Variants in ZFP3 observed in about 807,000 individuals in gnomAD.
ZFP3 encodes zinc finger protein 3 homolog.
In ZFP3, 18 loss-of-function variants were observed where a neutral mutation model predicts 36.7. The observed-to-expected ratio is 0.49, with a 90% CI of 0.34 to 0.73. ZFP3 has a LOEUF of 0.73. Ranked by LOEUF, ZFP3 falls within the 30% of genes least tolerant of loss-of-function variation. The probability of loss-of-function intolerance (pLI) is 0.01; values close to 1 mark genes in which losing one functional copy is unlikely to be tolerated. For missense variants in ZFP3, 495 were observed against 599.0 expected, an observed-to-expected ratio of 0.83 and a Z score of 1.81; for synonymous variants, 218 against 199.0, an observed-to-expected ratio of 1.10 and a Z score of -0.81.
Position 5,080,935 on chromosome 17 carries a change from T to C in ZFP3, c.-9+2360T>C, listed in dbSNP as rs1465622335. Among the ~76,000 whole-genome samples, 4 of 152,214 alleles carry C rather than the reference T, an allele frequency of 2.6e-5. No individual in the cohort carries two copies. The East Asian group carries it at 7.7e-4, about 29-fold the overall frequency. On this transcript the variant is annotated intron_variant, in intron 1 of 1. Transcript: ENST00000318833. ...CCAGCTTGCTTGTTTCATGAGGTGGTGGTAAGGGTTAATGTCTGTAAGTTG... is the reference window on the plus strand; with the variant it reads ...CCAGCTTGCTTGTTTCATGAGGTGGCGGTAAGGGTTAATGTCTGTAAGTTG...
chr17:5,088,785 C>T (rs994803651), intron 1 of ZFP3, among the ~76,000 whole-genome samples: 3 of 152,172 alleles, frequency 2.0e-5, no homozygotes, highest in East Asian at 1.9e-4. Context: ...TAAACGACCA[C>T]GAGTGTGCAT....
At chr17:5,082,467 TGAA>T (rs2072099188) in intron 1 of ZFP3, among the ~76,000 whole-genome samples, 1 of 152,216 alleles carries the variant, frequency 6.6e-6, no homozygotes, top group Non-Finnish European at 1.5e-5. Context: ...GACAATTTGT[TGAA>T]GAAGTGAGTT....
At chr17:5,085,016 G>A (rs2072113567) in intron 1 of ZFP3, among the ~76,000 whole-genome samples, 2 of 152,140 alleles carry the variant, frequency 1.3e-5, no homozygotes, top group African/African-American at 4.8e-5. Context: ...AATGATCAGA[G>A]TGGGTAAGAT....
In ZFP3 at chr17:5,095,414, G is replaced by C. The variant is rs1343675502; in HGVS notation, c.*2401G>C. 1.2e-5 allele frequency: 2 copies of C among 167,080 alleles called. No individual in the cohort carries two copies. The highest frequency in any genetic ancestry group is 3.9e-4 in the East Asian group (2 of 5,188). The allele number at this position is 167,080 out of a possible 1,614,324, so 10.3% of individuals were successfully genotyped here. On this transcript the variant is annotated 3_prime_UTR_variant, in exon 2 of 2. Transcript: ENST00000318833. Reference sequence around the variant, plus strand: ...GCACAAATTGAATTGTGCCCAGACCGTATCTTTCTCACATGAAACCTGGAT... The same window carrying C: ...GCACAAATTGAATTGTGCCCAGACCCTATCTTTCTCACATGAAACCTGGAT...
intron 1 of ZFP3, among the ~76,000 whole-genome samples, chr17:5,090,510 G>T (rs1243059061): frequency 1.3e-5 from 2 of 152,164 alleles, no homozygotes; most frequent in Non-Finnish European, 2.9e-5. Flanking sequence ...GCTAGTTATA[G>T]CTAAGACACA....
chr17:5,088,722 A>ACG (rs768960433), intron 1 of ZFP3, among the ~76,000 whole-genome samples: 2 of 152,170 alleles, frequency 1.3e-5, no homozygotes, highest in Non-Finnish European at 2.9e-5. Context: ...TGCTGGAATT[A>ACG]CAGGCGTGAG....
chr17:5,080,112 G>C (rs2072085882), intron 1 of ZFP3, among the ~76,000 whole-genome samples: 2 of 152,086 alleles, frequency 1.3e-5, no homozygotes, highest in South Asian at 4.1e-4. Context: ...CATCTCCCTT[G>C]TTTTTCTGAG....
rs143095468 is a variant in ZFP3, at chr17:5,092,644, T to A, written c.1140T>A (p.Leu380=). ...CGKAFRGNSE[L]LRHERIHTGE... The stretch of plus-strand genomic sequence containing the variant: ...AGGCCTTCAGGGGGAACTCAGAACT[T>A]CTTAGACATGAGAGAATTCACACTG... Residue 380 remains leucine (L), a synonymous_variant, in exon 2 of 2, where the codon CTT becomes CTA. Coordinates refer to ENST00000318833, the MANE Select transcript of ZFP3 (RefSeq NM_153018.3). This position sits in a 1 kb window ranked among gnomAD's most constrained non-coding sequence, Gnocchi z 5.0. 316 of 1,614,146 alleles carry A rather than the reference T, an allele frequency of 2.0e-4. No homozygotes were observed. Among genetic ancestry groups the A allele is most frequent in the Non-Finnish European group, 2.4e-4 (281 of 1,180,028 alleles).
intron 1 of ZFP3, among the ~76,000 whole-genome samples, chr17:5,088,887 C>T (rs2072135303): frequency 6.6e-6 from 1 of 152,170 alleles, no homozygotes; most frequent in African/African-American, 2.4e-5. Flanking sequence ...GATGAAGTTC[C>T]ATACATTCCC....
Position 5,092,710 on chromosome 17 carries a change from C to T in ZFP3, c.1206C>T (p.Phe402=). The change falls in exon 2 of 2, where the codon TTC becomes TTT. Residue 402 remains phenylalanine (F), a synonymous_variant. Transcript: ENST00000318833. This position sits in a 1 kb window ranked among gnomAD's most constrained non-coding sequence, Gnocchi z 5.0. ...PYECFECGKA[F]RRTSHLIVHQ... is the part of the protein sequence containing the mutation. The stretch of plus-strand genomic sequence containing the variant: ...AATGCTTTGAGTGTGGAAAGGCTTT[C>T]AGGCGGACCTCTCACCTTATTGTCC... 6.2e-7 allele frequency: 1 copy of T among 1,613,886 alleles called. No individual in the cohort carries two copies. Among genetic ancestry groups the T allele is most frequent in the Non-Finnish European group, 8.5e-7 (1 of 1,179,950 alleles).
intron 1 of ZFP3, among the ~76,000 whole-genome samples, chr17:5,084,885 G>A (rs1460717956): frequency 2.0e-5 from 3 of 152,324 alleles, no homozygotes; most frequent in Non-Finnish European, 4.4e-5. Context: ...CTAATATATG[G>A]CTGTGCCTCT....
rs1226119855 is a variant in ZFP3 at position 5,093,699 on chromosome 17, G to A, written c.*686G>A. 6.0e-6 allele frequency: 1 copy of A among 167,112 alleles called. No individual in the cohort carries two copies. Among genetic ancestry groups the A allele is most frequent in the Admixed American group, 6.5e-5 (1 of 15,290 alleles). The allele number at this position is 167,112 out of a possible 1,614,324, so 10.4% of individuals were successfully genotyped here. ...GCCCTGCTATGAAGTTACTTTAGAA[G>A]ATGGCAGCATTAATGAAGAAGCAGG... is the stretch of plus-strand genomic sequence containing the variant. On this transcript the variant is annotated 3_prime_UTR_variant, in exon 2 of 2. Transcript: ENST00000318833.
intron 1 of ZFP3, among the ~76,000 whole-genome samples, chr17:5,082,077 G>A (rs1222462931): frequency 2.0e-5 from 3 of 151,702 alleles, no homozygotes; most frequent in Non-Finnish European, 2.9e-5. Context: ...GCTGGGCACG[G>A]TGCCTCACGC....
chr17:5,083,272 T>C (rs905294556), intron 1 of ZFP3, among the ~76,000 whole-genome samples: 4 of 152,134 alleles, frequency 2.6e-5, no homozygotes, highest in African/African-American at 7.2e-5. Flanking sequence ...ATTAAGACTT[T>C]GTAGGCCGGG....
rs1340659362 is a variant in ZFP3 at position 5,095,396 on chromosome 17, T to TGGTC, written c.*2383_*2384insGGTC. 3 of 167,028 alleles carry TGGTC rather than the reference T, an allele frequency of 1.8e-5. No homozygotes were observed. The highest frequency in any genetic ancestry group is 7.2e-5 in the African/African-American group (3 of 41,434). 10.3% of individuals were successfully genotyped at this position (167,028 alleles called of 1,614,324 possible). On this transcript the variant is annotated 3_prime_UTR_variant, in exon 2 of 2. Coordinates refer to ENST00000318833, the MANE Select transcript of ZFP3 (RefSeq NM_153018.3). ...TCCTTTTTCATTGCTGGAGCACAAA[T>TGGTC]TGAATTGTGCCCAGACCGTATCTTT...
rs1555579106 is a variant in ZFP3, at chr17:5,093,619, CA to C, written c.*607del. 1 of 17,972 alleles carries C rather than the reference CA, an allele frequency of 5.6e-5. No individual in the cohort carries two copies. Among genetic ancestry groups the C allele is most frequent in the South Asian group, 0.1 (1 of 10 alleles). The allele number at this position is 17,972 out of a possible 1,614,324, so 1.1% of individuals were successfully genotyped here. On this transcript the variant is annotated 3_prime_UTR_variant, in exon 2 of 2. Transcript: ENST00000318833. ...AGAAGACACACCTCATTCTCCTGTCCACTGTTTAGCATTGGAATAATTTAGT... is the reference window on the plus strand; with the variant it reads ...AGAAGACACACCTCATTCTCCTGTCCCTGTTTAGCATTGGAATAATTTAGT...
chr17:5,092,087 A>G lies in ZFP3; in HGVS notation c.583A>G (p.Lys195Glu), dbSNP rs1186290124. ...RRHLRIHAGE[K>E]PFACNECGKA... The stretch of plus-strand genomic sequence containing the variant: ...GCACCTGAGAATTCATGCTGGAGAA[A>G]AACCCTTTGCTTGTAATGAATGTGG... The change falls in exon 2 of 2, where the codon AAA becomes GAA. Residue 195 changes from lysine (K) to glutamate (E), a missense_variant. This residue lies in a region of ZFP3 where 229 missense variants were observed against 233.8 expected (regional missense o/e 0.98). Coordinates refer to ENST00000318833, the MANE Select transcript of ZFP3 (RefSeq NM_153018.3). The surrounding 1 kb of genome is among the most constrained non-coding windows in gnomAD (Gnocchi z 5.0). 1.2e-6 allele frequency: 2 copies of G among 1,614,248 alleles called. No individual in the cohort carries two copies. Among genetic ancestry groups the G allele is most frequent in the Admixed American group, 1.7e-5 (1 of 60,026 alleles).
Position 5,092,795 on chromosome 17 carries a change from T to C in ZFP3, c.1291T>C (p.Trp431Arg). Residue 431 changes from tryptophan (W) to arginine (R), a missense_variant, in exon 2 of 2, where the codon TGG (tryptophan) becomes CGG (arginine). This residue lies in a region of ZFP3 where 163 missense variants were observed against 178.4 expected (regional missense o/e 0.91). Transcript: ENST00000318833. The surrounding 1 kb of genome is among the most constrained non-coding windows in gnomAD (Gnocchi z 5.0). ...HQCNECARTF[W>R]DNSELLLHQK... is the part of the protein sequence containing the mutation. ...ATGTAATGAGTGTGCAAGAACCTTT[T>C]GGGATAATTCTGAGCTGCTTCTCCA... The C allele has an allele frequency of 6.2e-7, 1 of 1,614,100 alleles. No homozygotes were observed. The highest frequency in any genetic ancestry group is 8.5e-7 in the Non-Finnish European group (1 of 1,180,016).
In ZFP3 at chr17:5,093,936, G is replaced by T. The variant is rs2072165319; in HGVS notation, c.*923G>T. 6.0e-6 allele frequency: 1 copy of T among 167,182 alleles called. No individual in the cohort carries two copies. The highest frequency in any genetic ancestry group is 2.4e-5 in the African/African-American group (1 of 41,470). 10.4% of individuals were successfully genotyped at this position (167,182 alleles called of 1,614,324 possible). On this transcript the variant is annotated 3_prime_UTR_variant, in exon 2 of 2. Transcript: ENST00000318833. ...GCTGTCCACACTTCAGGGGTGCTCA[G>T]ACTGACTGCTCCTAAGAATTCTGCT...
Sources: allele counts gnomAD v4.1 joint callset (sites outside exome capture counted in the v4.1 genomes callset), GRCh38; gene constraint gnomAD v4.1.1; regional missense constraint gnomAD v4.1.1; non-coding constraint Gnocchi (gnomAD v3.1); transcripts MANE v1.5; gene names NCBI Gene and HGNC (gene_info 2026-07-23, HGNC 2026-07-21).